PDE1A: variants seen among roughly 807,000 people sequenced by gnomAD.
PDE1A encodes phosphodiesterase 1A.
Under a neutral mutation model 61.7 loss-of-function variants are expected in PDE1A, and 35 were observed. The ratio of observed to expected loss-of-function variants is 0.57; its 90% CI spans 0.43 to 0.75. The LOEUF (loss-of-function observed/expected upper bound fraction) is 0.75. Ranked by LOEUF, PDE1A falls within the 30% of genes least tolerant of loss-of-function variation. The probability of loss-of-function intolerance (pLI) is 0.00; values close to 1 mark genes in which losing one functional copy is unlikely to be tolerated. For missense variants in PDE1A, 597 were observed against 630.6 expected, an observed-to-expected ratio of 0.95 and a Z score of 0.57; for synonymous variants, 232 against 213.2, an observed-to-expected ratio of 1.09 and a Z score of -0.77.
At chr2:182,530,089 T>C in the PDE1A span, among the ~76,000 whole-genome samples, 2 of 152,182 alleles carry the variant, frequency 1.3e-5, no homozygotes, top group East Asian at 1.9e-4. Flanking sequence ...GCAAAACACA[T>C]TGCAAACTCT....
intron 1 of PDE1A, among the ~76,000 whole-genome samples, chr2:182,392,063 C>T (rs1322934435): frequency 6.6e-6 from 1 of 152,162 alleles, no homozygotes; most frequent in African/African-American, 2.4e-5. Context: ...GTTAATCTCT[C>T]TCCCATCCTT....
At chr2:182,344,007 A>T (rs1230854875) in intron 1 of PDE1A, among the ~76,000 whole-genome samples, 1 of 151,750 alleles carries the variant, frequency 6.6e-6, no homozygotes, top group Non-Finnish European at 1.5e-5. Flanking sequence ...AGTAACTGGG[A>T]CTACAGGCAC....
At chr2:182,528,142 CAGA>C (rs1199521282), upstream of PDE1A, among the ~76,000 whole-genome samples, 2 of 151,946 alleles carry the variant, frequency 1.3e-5, no homozygotes, top group African/African-American at 4.8e-5. Context: ...TTGGAGAGCT[CAGA>C]AGAAGACAGG....
At chr2:182,564,452 G>A in the PDE1A span, among the ~76,000 whole-genome samples, 112 of 152,188 alleles carry the variant, frequency 7.4e-4, no homozygotes, top group African/African-American at 2.0e-3. Flanking sequence ...TTCCCTTTGT[G>A]GGTAACCCGA....
chr2:182,417,423 C>A (rs981203129), intron 1 of PDE1A, among the ~76,000 whole-genome samples: 4 of 152,172 alleles, frequency 2.6e-5, no homozygotes, highest in Non-Finnish European at 5.9e-5. Flanking sequence ...TATAGTAGGT[C>A]TGAAATACCA....
At chr2:182,627,442 A>ATG in the PDE1A span, among the ~76,000 whole-genome samples, 2 of 135,760 alleles carry the variant, frequency 1.5e-5, no homozygotes, top group African/African-American at 5.5e-5. Flanking sequence ...ATATATATAT[A>ATG]AAATCTCTTT....
chr2:182,534,687 A>G, the PDE1A span, among the ~76,000 whole-genome samples: 2 of 151,580 alleles, frequency 1.3e-5, no homozygotes, highest in African/African-American at 2.4e-5. Context: ...TTAATTACTT[A>G]TATTAATTTT....
intron 2 of PDE1A, among the ~76,000 whole-genome samples, chr2:182,489,040 A>C (rs970708089): frequency 6.6e-6 from 1 of 152,248 alleles, no homozygotes; most frequent in Non-Finnish European, 1.5e-5. Context: ...TAGAATAAAA[A>C]TGTACAGACT....
chr2:182,608,038 T>C, the PDE1A span, among the ~76,000 whole-genome samples: 1 of 152,112 alleles, frequency 6.6e-6, no homozygotes, highest in East Asian at 1.9e-4. Context: ...AAGAAAACAA[T>C]ACCCCTAAAA....
At chr2:182,574,611 G>A in the PDE1A span, among the ~76,000 whole-genome samples, 1 of 152,204 alleles carries the variant, frequency 6.6e-6, no homozygotes, top group Non-Finnish European at 1.5e-5. Flanking sequence ...TATTTTCTTA[G>A]TACAAGCGTA....
the PDE1A span, among the ~76,000 whole-genome samples, chr2:182,715,517 G>A: frequency 4.6e-5 from 7 of 152,154 alleles, no homozygotes; most frequent in African/African-American, 1.7e-4. Context: ...GATGTTATAA[G>A]CAGGTATCCT....
At chr2:182,647,027 G>C in the PDE1A span, among the ~76,000 whole-genome samples, 2 of 152,208 alleles carry the variant, frequency 1.3e-5, no homozygotes, top group Non-Finnish European at 2.9e-5. Context: ...TTGGCACGAT[G>C]ACTTTTTGCA....
At chr2:182,193,488 G>A (rs752436499) in intron 10 of PDE1A, among the ~76,000 whole-genome samples, 6 of 152,016 alleles carry the variant, frequency 3.9e-5, no homozygotes, top group African/African-American at 7.2e-5. Context: ...AAGGCTGAGG[G>A]TGAAATCTGA....
the PDE1A span, among the ~76,000 whole-genome samples, chr2:182,566,691 T>C: frequency 1.3e-5 from 2 of 152,136 alleles, no homozygotes; most frequent in African/African-American, 4.8e-5. Flanking sequence ...GAGTCCAAAC[T>C]TCTATAAAGC....
intron 1 of PDE1A, chr2:182,522,602 A>C: frequency 1.3e-5 from 17 of 1,331,540 alleles, no homozygotes; most frequent in Non-Finnish European, 1.6e-5. Flanking sequence ...ACAGCAGTAT[A>C]AACAGATGCT....
At chr2:182,625,043 C>G in the PDE1A span, among the ~76,000 whole-genome samples, 3 of 151,958 alleles carry the variant, frequency 2.0e-5, no homozygotes, top group Admixed American at 2.0e-4. Flanking sequence ...TAGATGAGAT[C>G]GTGAGAATGG....
intron 2 of PDE1A, among the ~76,000 whole-genome samples, chr2:182,507,054 T>C (rs909528686): frequency 1.3e-5 from 2 of 152,220 alleles, no homozygotes; most frequent in African/African-American, 2.4e-5. Flanking sequence ...GAAAATAATA[T>C]GTAGATGAAT....
intron 1 of PDE1A, among the ~76,000 whole-genome samples, chr2:182,410,851 C>T (rs2125518072): frequency 6.6e-6 from 1 of 152,298 alleles, no homozygotes; most frequent in Middle Eastern, 3.4e-3. Flanking sequence ...ATCCATGCCA[C>T]ACTAAGGCCA....
chr2:182,158,339 G>A (rs1691205886), intron 13 of PDE1A, among the ~76,000 whole-genome samples: 1 of 152,142 alleles, frequency 6.6e-6, no homozygotes, highest in Non-Finnish European at 1.5e-5. Flanking sequence ...TCCTGATGGA[G>A]GCAAACTTAT....
Sources: allele counts gnomAD v4.1 joint callset (sites outside exome capture counted in the v4.1 genomes callset), GRCh38; gene constraint gnomAD v4.1.1; transcripts MANE v1.5; gene names NCBI Gene and HGNC (gene_info 2026-07-23, HGNC 2026-07-21).